GPR21: variants seen among roughly 807,000 people sequenced by gnomAD.
The protein encoded by GPR21 is G protein-coupled receptor 21.
A neutral mutation model predicts 21.5 loss-of-function variants in GPR21; 9 were observed. The ratio of observed to expected loss-of-function variants is 0.42; its 90% confidence interval spans 0.25 to 0.73. GPR21 has a LOEUF of 0.73. Among genes scored for constraint, GPR21 ranks in the 30% least tolerant of loss-of-function variants. The probability of loss-of-function intolerance (pLI) is 0.27; values close to 1 mark genes in which losing one functional copy is unlikely to be tolerated. For missense variants in GPR21, 416 were observed against 428.9 expected (o/e 0.97, Z 0.27); for synonymous variants, 169 against 159.3 (o/e 1.06, Z -0.46).
In GPR21 at chr9:123,035,604, A is replaced by G; in HGVS notation, c.1038A>G (p.Gly346=). ...TTAGAAGCAAAGGCCCTCTTAATGG[A>G]TGTCATATCTGAAGTGGCTCAGTTA... ...YTVRSKGPLN[G]CHI Residue 346 remains glycine, a synonymous_variant, in exon 2 of 2, where the codon GGA becomes GGG. Transcript: ENST00000616002. 1 of 1,583,400 alleles carries G rather than the reference A, an allele frequency of 6.3e-7. No individual in the cohort carries two copies. Among genetic ancestry groups the G allele is most frequent in the African/African-American group, 1.4e-5 (1 of 73,930 alleles).
downstream of GPR21, among the ~76,000 whole-genome samples, chr9:123,036,223 A>C (rs2032652737): frequency 6.6e-6 from 1 of 152,248 alleles, no homozygotes; most frequent in South Asian, 2.1e-4. Flanking sequence ...CATAAACATT[A>C]ATTTTAGAAT....
At position 123,035,430 on chromosome 9, in the gene GPR21, G is replaced by A. The variant is rs1239543162; in HGVS notation, c.864G>A (p.Leu288=). 6.2e-7 allele frequency: 1 copy of A among 1,614,062 alleles called. No individual in the cohort carries two copies. The highest frequency in any genetic ancestry group is 1.1e-5 in the South Asian group (1 of 91,078). The change falls in exon 2 of 2, where the codon TTG becomes TTA. Residue 288 remains leucine, a synonymous_variant. Transcript: ENST00000616002. ...TGHSNRFASF[L]TTWLAISNSF... ...ACAGCAACCGCTTCGCATCCTTCTT[G>A]ACCACCTGGCTTGCTATTAGTAACA...
downstream of GPR21, among the ~76,000 whole-genome samples, chr9:123,038,166 A>G (rs1322227798): frequency 1.3e-5 from 2 of 152,120 alleles, no homozygotes; most frequent in African/African-American, 4.8e-5. Flanking sequence ...AGTGTGCTCA[A>G]CTTTAGTGAG....
rs770765245 is a variant in GPR21, at chr9:123,034,795, T to C, written c.229T>C (p.Phe77Leu). The C allele has an allele frequency of 3.7e-6, 6 of 1,613,966 alleles. No individual in the cohort carries two copies. Among genetic ancestry groups the C allele is most frequent in the Non-Finnish European group, 5.1e-6 (6 of 1,179,860 alleles). ...CCAGACTATGGCATATGCTGACCTTTTTGTTGGGGTGAGCTGCGTGGTCCC... is the reference window on the plus strand; with the variant it reads ...CCAGACTATGGCATATGCTGACCTTCTTGTTGGGGTGAGCTGCGTGGTCCC... ...FIQTMAYADL[F>L]VGVSCVVPSL... is the part of the protein sequence containing the mutation. The change falls in exon 2 of 2, where the codon TTT becomes CTT. Residue 77 changes from phenylalanine (F) to leucine (L), a missense_variant. Coordinates refer to ENST00000616002, the MANE Select transcript of GPR21 (RefSeq NM_005294.3).
downstream of GPR21, among the ~76,000 whole-genome samples, chr9:123,037,673 T>C (rs2032733163): frequency 6.6e-6 from 1 of 152,218 alleles, no homozygotes; most frequent in African/African-American, 2.4e-5. Context: ...TTTTAAACAC[T>C]TAATTTTTGT....
intron 1 of GPR21, 38 bp downstream of exon 1, chr9:123,033,780 T>C (rs1358152595): frequency 1.3e-5 from 2 of 152,226 alleles, no homozygotes; most frequent in Non-Finnish European, 2.9e-5. Context: ...TAAATTCTGT[T>C]GAAATGTTTT....
chr9:123,035,540 C>T lies in GPR21; in HGVS notation c.974C>T (p.Ser325Phe), dbSNP rs573061197. The change falls in exon 2 of 2, where the codon TCT becomes TTT. Residue 325 changes from serine (S) to phenylalanine (F), a missense_variant. Coordinates refer to ENST00000616002, the MANE Select transcript of GPR21 (RefSeq NM_005294.3). The part of the protein sequence containing the change: ...LKRLSGAMCT[S>F]CASQTTANDP... ...CGCCTCTCAGGGGCTATGTGTACTT[C>T]TTGTGCAAGTCAGACTACAGCCAAC... The T allele has an allele frequency of 3.1e-6, 5 of 1,613,942 alleles. No homozygotes were observed. In the South Asian group the frequency reaches 4.4e-5, roughly 14 times the overall value.
At chr9:123,046,168 C>G in the GPR21 span, among the ~76,000 whole-genome samples, 1 of 152,112 alleles carries the variant, frequency 6.6e-6, no homozygotes, top group African/African-American at 2.4e-5. Flanking sequence ...TAGTCCTATA[C>G]AAATCTCGGA....
At chr9:123,048,551 G>A in the GPR21 span, among the ~76,000 whole-genome samples, 17 of 152,306 alleles carry the variant, frequency 1.1e-4, no homozygotes, top group East Asian at 7.7e-4. Context: ...AATACAGTAC[G>A]TATTAAGCTG....
At chr9:123,044,330 A>G in the GPR21 span, among the ~76,000 whole-genome samples, 1 of 152,196 alleles carries the variant, frequency 6.6e-6, no homozygotes, top group Non-Finnish European at 1.5e-5. Context: ...ATGGGGGCAT[A>G]ATAGCACTAT....
rs1243469766 is a variant in GPR21 at position 123,035,384 on chromosome 9, T to C, written c.818T>C (p.Leu273Ser). The C allele has an allele frequency of 6.2e-7, 1 of 1,614,156 alleles. No homozygotes were observed. Among genetic ancestry groups the C allele is most frequent in the East Asian group, 2.2e-5 (1 of 44,886 alleles). Residue 273 changes from leucine to serine, a missense_variant, in exon 2 of 2, where the codon TTG becomes TCG. Coordinates refer to ENST00000616002, the MANE Select transcript of GPR21 (RefSeq NM_005294.3). ...ILWLPYIIYF[L>S]LESSTGHSNR... ...TGGTTGCCATATATCATCTACTTCT[T>C]GTTGGAAAGCTCCACTGGCCACAGC...
At chr9:123,042,230 A>G in the GPR21 span, among the ~76,000 whole-genome samples, 5 of 152,220 alleles carry the variant, frequency 3.3e-5, no homozygotes, top group African/African-American at 1.2e-4. Context: ...CAAAATAGCC[A>G]CATTCCCTGC....
chr9:123,037,271 C>G (rs1252364627), downstream of GPR21, among the ~76,000 whole-genome samples: 7 of 152,192 alleles, frequency 4.6e-5, no homozygotes, highest in Admixed American at 4.6e-4. Flanking sequence ...TAGACATCAA[C>G]TTGATTTTAA....
downstream of GPR21, among the ~76,000 whole-genome samples, chr9:123,038,218 A>G (rs2032770671): frequency 6.6e-6 from 1 of 152,122 alleles, no homozygotes; most frequent in Non-Finnish European, 1.5e-5. Flanking sequence ...CGTTTTTTTC[A>G]CGGGCCTATT....
downstream of GPR21, among the ~76,000 whole-genome samples, chr9:123,037,725 T>TTG (rs545480959): frequency 1.3e-3 from 193 of 152,190 alleles, no homozygotes; most frequent in African/African-American, 4.2e-3. Flanking sequence ...TCTTATTTTG[T>TTG]TGTGTGTGTA....
chr9:123,035,246 A>G lies in GPR21; in HGVS notation c.680A>G (p.Glu227Gly), dbSNP rs765425131. Reference protein sequence around the residue: ...ICQQHTKDISERQARFSSQSG... With the variant: ...ICQQHTKDISGRQARFSSQSG... ...CAACAGCACACAAAGGATATCAGCG[A>G]AAGGCAAGCCCGCTTCAGCAGCCAG... The change falls in exon 2 of 2, where the codon GAA becomes GGA. Residue 227 changes from glutamate (E) to glycine (G), a missense_variant. Coordinates refer to ENST00000616002, the MANE Select transcript of GPR21 (RefSeq NM_005294.3). 1.2e-6 allele frequency: 2 copies of G among 1,614,082 alleles called. No homozygotes were observed. The highest frequency in any genetic ancestry group is 2.7e-5 in the African/African-American group (2 of 74,932).
chr9:123,048,444 CTG>C, the GPR21 span, among the ~76,000 whole-genome samples: 1 of 152,128 alleles, frequency 6.6e-6, no homozygotes, highest in Admixed American at 6.5e-5. Flanking sequence ...CTCTGTGTGT[CTG>C]TGTGTTGCAT....
At chr9:123,044,598 T>A in the GPR21 span, among the ~76,000 whole-genome samples, 1 of 151,346 alleles carries the variant, frequency 6.6e-6, no homozygotes, top group Non-Finnish European at 1.5e-5. Flanking sequence ...TTTGACATCG[T>A]GGGAAGGAAT....
At position 123,035,103 on chromosome 9, in the gene GPR21, G is replaced by T. The variant is rs1308191304; in HGVS notation, c.537G>T (p.Gln179His). 2 of 1,613,962 alleles carry T rather than the reference G, an allele frequency of 1.2e-6. No individual in the cohort carries two copies. Among genetic ancestry groups the T allele is most frequent in the African/African-American group, 1.3e-5 (1 of 74,876 alleles). The change falls in exon 2 of 2, where the codon CAG becomes CAT. Residue 179 changes from glutamine (Q) to histidine (H), a missense_variant. Physicochemically the swap from Gln to His is conservative, Grantham distance 24. Transcript: ENST00000616002. ...CTGGATATCATGGAGATGTGTTTCA[G>T]TGGTGTGCGGAGTCCTGGCACACCG... ...GKPGYHGDVF[Q>H]WCAESWHTDS... is the part of the protein sequence containing the mutation.
Sources: gnomAD v4.1 joint callset for allele counts (sites outside exome capture counted in the v4.1 genomes callset) on GRCh38, gnomAD v4.1.1 for gene constraint, MANE v1.5 for transcripts, NCBI Gene and HGNC (gene_info 2026-07-23, HGNC 2026-07-21) for gene names.